The following FBXO42 variants were observed in gnomAD, a reference collection of about 807,000 sequenced individuals.
FBXO42 encodes the protein F-box only protein 42.
FBXO42 carries 12 observed loss-of-function variants against 71.7 expected under a neutral mutation model. The ratio of observed to expected loss-of-function variants is 0.17; its 90% confidence interval spans 0.11 to 0.27. The LOEUF (loss-of-function observed/expected upper bound fraction) is 0.27, where lower values mean the gene tolerates loss of function less well. Among genes scored for constraint, FBXO42 ranks in the 10% least tolerant of loss-of-function variants. The probability of loss-of-function intolerance (pLI) is 1.00; values close to 1 mark genes in which losing one functional copy is unlikely to be tolerated. For missense variants in FBXO42, 707 were observed against 911.9 expected (o/e 0.78, Z 2.89); for synonymous variants, 325 against 327.5 (o/e 0.99, Z 0.08).
intron 4 of FBXO42, among the ~76,000 whole-genome samples, chr1:16,268,820 G>A (rs1229907332): frequency 2.0e-5 from 3 of 151,250 alleles, no homozygotes; most frequent in South Asian, 2.1e-4. Flanking sequence ...ACAAACAAAC[G>A]AACAAAAAAA....
intron 2 of FBXO42, among the ~76,000 whole-genome samples, chr1:16,309,696 G>C (rs1484336556): frequency 6.6e-6 from 1 of 151,710 alleles, no homozygotes; most frequent in Non-Finnish European, 1.5e-5. Context: ...AGGAGTTCAA[G>C]ACCAGCCTGG....
intron 1 of FBXO42, among the ~76,000 whole-genome samples, chr1:16,338,951 C>T (rs564533906): frequency 1.3e-5 from 2 of 151,686 alleles, no homozygotes; most frequent in East Asian, 3.9e-4. Flanking sequence ...GCTGGGATTA[C>T]AGGTGCACAT....
Position 16,283,494 on chromosome 1 carries a change from G to GTTTTTTTTTTTTTTTTTTTTTTTTTTT in FBXO42, c.502+11288_502+11289insAAAAAAAAAAAAAAAAAAAAAAAAAAA, listed in dbSNP as rs386366300. Reference sequence around the variant, plus strand: ...TTATAGACTCTTCTAACTGTGGCAAGTTTTTTTTTTTTTTTTTTTTTTTGA... The same window carrying GTTTTTTTTTTTTTTTTTTTTTTTTTTT: ...TTATAGACTCTTCTAACTGTGGCAAGTTTTTTTTTTTTTTTTTTTTTTTTTTTTTTTTTTTTTTTTTTTTTTTTTTGA... On this transcript the variant is annotated intron_variant, in intron 4 of 9. Transcript: ENST00000375592. Among the ~76,000 whole-genome samples, 6 of 80,972 alleles carry GTTTTTTTTTTTTTTTTTTTTTTTTTTT rather than the reference G, an allele frequency of 7.4e-5. 2 individuals are homozygous for GTTTTTTTTTTTTTTTTTTTTTTTTTTT. The highest frequency in any genetic ancestry group is 2.7e-4 in the African/African-American group (6 of 22,468). 53.1% of individuals were successfully genotyped at this position (80,972 alleles called of 152,430 possible).
intron 1 of FBXO42, among the ~76,000 whole-genome samples, chr1:16,317,618 C>T (rs2082379878): frequency 6.6e-6 from 1 of 151,646 alleles, no homozygotes; most frequent in Non-Finnish European, 1.5e-5. Flanking sequence ...AACAAACAAA[C>T]AAACAAACAG....
At chr1:16,253,252 T>G (rs1197812831) in intron 7 of FBXO42, 100 bp from the exon 8 acceptor site, 1 of 1,006,084 alleles carries the variant, frequency 9.9e-7, no homozygotes, top group Non-Finnish European at 1.5e-6. Flanking sequence ...AGCTCCCAAA[T>G]GGGAATATTC....
chr1:16,259,662 A>G (rs1337080323), intron 4 of FBXO42, among the ~76,000 whole-genome samples: 1 of 151,472 alleles, frequency 6.6e-6, no homozygotes, highest in African/African-American at 2.4e-5. Context: ...GCTACTCAGG[A>G]GGCTGAGGCA....
At chr1:16,323,905 A>G (rs1300094726) in intron 1 of FBXO42, among the ~76,000 whole-genome samples, 3 of 152,062 alleles carry the variant, frequency 2.0e-5, no homozygotes, top group Non-Finnish European at 4.4e-5. Context: ...ATCCCACAGC[A>G]TGAGGGCTTC....
chr1:16,276,172 G>A (rs953392855), intron 4 of FBXO42, among the ~76,000 whole-genome samples: 1 of 151,958 alleles, frequency 6.6e-6, no homozygotes, highest in African/African-American at 2.4e-5. Flanking sequence ...ACGAGGTCAG[G>A]AGATCGAGAC....
In FBXO42 at chr1:16,256,732, G is replaced by A. The variant is rs1376955546; in HGVS notation, c.530C>T (p.Ala177Val). 6.2e-7 allele frequency: 1 copy of A among 1,614,184 alleles called. No individual in the cohort carries two copies. The highest frequency in any genetic ancestry group is 1.7e-5 in the Admixed American group (1 of 60,024). The change falls in exon 5 of 10, where the codon GCA becomes GTA. Residue 177 changes from alanine to valine, a missense_variant. This residue lies in a region of FBXO42 where 188 missense variants were observed against 230.5 expected (regional missense o/e 0.82). Coordinates refer to ENST00000375592, the MANE Select transcript of FBXO42 (RefSeq NM_018994.3). ...CAAGTCCTTGTACACGACCAGAGTT[G>A]CTCCAGCTTTGGGGGAAGGATAGGA... Reference protein sequence around the residue: ...SGSYPSPKAGATLVVYKDLLV... With the variant: ...SGSYPSPKAGVTLVVYKDLLV...
chr1:16,304,027 A>T (rs1240866072), intron 3 of FBXO42, among the ~76,000 whole-genome samples: 1 of 151,766 alleles, frequency 6.6e-6, no homozygotes, highest in Non-Finnish European at 1.5e-5. Context: ...CTGTTCTCAA[A>T]CTCCTGACCT....
At chr1:16,277,742 A>T (rs1044015883) in intron 4 of FBXO42, among the ~76,000 whole-genome samples, 4 of 142,980 alleles carry the variant, frequency 2.8e-5, no homozygotes, top group Non-Finnish European at 6.1e-5. Flanking sequence ...AAAAAAAATT[A>T]AAAAATTCCA....
chr1:16,326,038 G>GTGTGTGTGTGTGTGTGTGTGTGTGTGTC (rs1441951943), intron 1 of FBXO42, among the ~76,000 whole-genome samples: 1,710 of 146,568 alleles, frequency 0.012, 11 homozygotes, highest in Non-Finnish European at 0.019. Flanking sequence ...GTGTGTGTGT[G>GTGTGTGTGTGTGTGTGTGTGTGTGTGTC]TGTGTGTGTG....
At chr1:16,330,845 G>C (rs1251225484) in intron 1 of FBXO42, among the ~76,000 whole-genome samples, 1 of 152,130 alleles carries the variant, frequency 6.6e-6, no homozygotes, top group Admixed American at 6.6e-5. Flanking sequence ...AGGAGGCTGA[G>C]GCAGGAGAAT....
intron 2 of FBXO42, among the ~76,000 whole-genome samples, chr1:16,308,820 T>C (rs1371758176): frequency 7.1e-6 from 1 of 140,732 alleles, no homozygotes; most frequent in East Asian, 2.2e-4. Context: ...GTCAGCTGAC[T>C]GCAACCTCCA....
intron 3 of FBXO42, among the ~76,000 whole-genome samples, chr1:16,304,478 A>G (rs1435720663): frequency 6.6e-6 from 1 of 152,002 alleles, no homozygotes; most frequent in Non-Finnish European, 1.5e-5. Context: ...GAGTCCATTT[A>G]AATTTTGTGT....
chr1:16,350,194 TGATGTCATG>T (rs1376340855), intron 1 of FBXO42, among the ~76,000 whole-genome samples: 1 of 152,102 alleles, frequency 6.6e-6, no homozygotes, highest in East Asian at 1.9e-4. Context: ...GGAGAGCAAA[TGATGTCATG>T]GATGTCATGA....
intron 1 of FBXO42, among the ~76,000 whole-genome samples, chr1:16,346,875 C>T (rs1420708828): frequency 6.6e-6 from 1 of 150,626 alleles, no homozygotes; most frequent in Non-Finnish European, 1.5e-5. Context: ...CTGGCTCAGC[C>T]TCCTAGGTAA....
chr1:16,257,319 A>C (rs924435354), intron 4 of FBXO42, among the ~76,000 whole-genome samples: 5 of 152,308 alleles, frequency 3.3e-5, no homozygotes, highest in African/African-American at 1.2e-4. Flanking sequence ...ATTTTAACAT[A>C]GGGACCTCCA....
chr1:16,306,088 T>A (rs2082247724), intron 2 of FBXO42, among the ~76,000 whole-genome samples, 169 bp from the exon 3 acceptor site: 1 of 152,060 alleles, frequency 6.6e-6, no homozygotes. Flanking sequence ...AGTGGCACGA[T>A]CTCGGCCACT....
Sources: allele counts gnomAD v4.1 joint callset (sites outside exome capture counted in the v4.1 genomes callset), GRCh38; gene constraint gnomAD v4.1.1; regional missense constraint gnomAD v4.1.1; transcripts MANE v1.5; gene names NCBI Gene and HGNC (gene_info 2026-07-23, HGNC 2026-07-21).